GLT1D1: variants seen among roughly 807,000 people sequenced by gnomAD.
GLT1D1 encodes the protein glycosyltransferase 1 domain-containing protein 1.
GLT1D1 carries 21 observed loss-of-function variants against 28.7 expected under a neutral mutation model. That is an observed-to-expected ratio of 0.73 (90% CI 0.52 to 1.05). The LOEUF is 1.05. Among genes scored for constraint, GLT1D1 ranks in the 50% least tolerant of loss-of-function variants. The pLI, the probability that GLT1D1 is intolerant of heterozygous loss-of-function variation, is 0.00. For missense variants in GLT1D1, 343 were observed against 330.6 expected, an observed-to-expected ratio of 1.04 and a Z score of -0.29; for synonymous variants, 147 against 124.8, an observed-to-expected ratio of 1.18 and a Z score of -1.19.
intron 1 of GLT1D1, among the ~76,000 whole-genome samples, chr12:128,871,309 A>G (rs1956682717): frequency 6.6e-6 from 1 of 152,288 alleles, no homozygotes; most frequent in South Asian, 2.1e-4. Context: ...TGCTGCAGGC[A>G]TCTTTCCTGA....
Position 128,984,940 on chromosome 12 carries a change from A to G in GLT1D1, c.*1850A>G, listed in dbSNP as rs1452345208. 6.6e-6 allele frequency: 1 copy of G among 152,184 alleles called. No individual in the cohort carries two copies. Among genetic ancestry groups the G allele is most frequent in the Non-Finnish European group, 1.5e-5 (1 of 68,044 alleles). 9.4% of individuals were successfully genotyped at this position (152,184 alleles called of 1,614,324 possible). A position where few individuals can be genotyped will look rare whatever the true frequency, so the allele number is the denominator to read the frequency against. On this transcript the variant is annotated 3_prime_UTR_variant, in exon 8 of 8. Transcript: ENST00000281703. ...GGGAAGGGCGTGTTTTTAAATTAAT[A>G]AAGTGTGTCACCATTAGCCATACGA...
chr12:128,911,692 C>A (rs1240030357), intron 4 of GLT1D1, among the ~76,000 whole-genome samples: 2 of 152,196 alleles, frequency 1.3e-5, no homozygotes, highest in Non-Finnish European at 2.9e-5. Context: ...TAAAAATATT[C>A]CTGCCACTGT....
At chr12:128,950,610 C>A (rs1876600431) in intron 6 of GLT1D1, among the ~76,000 whole-genome samples, 1 of 152,154 alleles carries the variant, frequency 6.6e-6, no homozygotes, top group Non-Finnish European at 1.5e-5. Flanking sequence ...GATGGTGCCC[C>A]CCCCTCACAG....
intron 1 of GLT1D1, among the ~76,000 whole-genome samples, chr12:128,872,551 G>A (rs1009463288): frequency 6.6e-6 from 1 of 152,164 alleles, no homozygotes; most frequent in Non-Finnish European, 1.5e-5. Context: ...GTGCACTTCT[G>A]CCATGCAGGG....
chr12:128,962,228 G>A (rs1878043098), intron 7 of GLT1D1, among the ~76,000 whole-genome samples: 1 of 152,250 alleles, frequency 6.6e-6, no homozygotes, highest in African/African-American at 2.4e-5. Context: ...AGGGCGGAGT[G>A]AGCTGCAGTG....
At chr12:128,979,270 G>C (rs1192706140) in intron 7 of GLT1D1, among the ~76,000 whole-genome samples, 2 of 152,128 alleles carry the variant, frequency 1.3e-5, no homozygotes, top group African/African-American at 4.8e-5. Context: ...CCTGCCTGCT[G>C]TCTGGCAGTT....
intron 3 of GLT1D1, among the ~76,000 whole-genome samples, chr12:128,891,201 A>G (rs192339503): frequency 2.6e-5 from 4 of 152,218 alleles, no homozygotes; most frequent in African/African-American, 2.4e-5. Flanking sequence ...GAAAATTGTG[A>G]AAAAAAGCGG....
chr12:128,892,199 G>C (rs1869138895), intron 3 of GLT1D1, among the ~76,000 whole-genome samples: 1 of 152,164 alleles, frequency 6.6e-6, no homozygotes, highest in Non-Finnish European at 1.5e-5. Context: ...GCCCTTAGCA[G>C]TTCCCAGCTT....
At chr12:128,922,365 GCATT>G (rs530229715) in intron 4 of GLT1D1, among the ~76,000 whole-genome samples, 12 of 152,216 alleles carry the variant, frequency 7.9e-5, no homozygotes, top group African/African-American at 2.9e-4. Context: ...GCAAATTTTA[GCATT>G]CATTAGTGGC....
Position 128,888,664 on chromosome 12 carries a change from C to T in GLT1D1, c.243C>T (p.Ile81=). The T allele has an allele frequency of 6.2e-7, 1 of 1,613,484 alleles. No homozygotes were observed. The highest frequency in any genetic ancestry group is 1.1e-5 in the South Asian group (1 of 91,036). Residue 81 remains isoleucine (I), a synonymous_variant, in exon 3 of 8, where the codon ATC becomes ATT. Transcript: ENST00000281703. ...GCCACCGAATCCCTTTTGGAGTCAT[C>T]TTTGGTGGAACTGATGTAAATGAAG... is the stretch of plus-strand genomic sequence containing the variant.
chr12:128,879,406 C>G (rs1329548877), intron 2 of GLT1D1, among the ~76,000 whole-genome samples: 1 of 90,706 alleles, frequency 1.1e-5, no homozygotes, highest in Non-Finnish European at 2.1e-5. Context: ...TTCTTTCTTT[C>G]TTTCTTTCTT....
chr12:128,962,358 G>A (rs539695905), intron 7 of GLT1D1, among the ~76,000 whole-genome samples: 73 of 152,378 alleles, frequency 4.8e-4, no homozygotes, highest in African/African-American at 1.7e-3. Flanking sequence ...TCTCATCTAA[G>A]AAGGGACAGG....
At chr12:128,879,405 TCTTTCTTTCTTTC>T (rs1210532882) in intron 2 of GLT1D1, among the ~76,000 whole-genome samples, 5 of 90,482 alleles carry the variant, frequency 5.5e-5, no homozygotes, top group Admixed American at 4.7e-4. Context: ...TTTCTTTCTT[TCTTTCTTTCTTTC>T]TTTCTTTCTT....
intron 4 of GLT1D1, among the ~76,000 whole-genome samples, chr12:128,921,744 G>C (rs1872677339): frequency 6.6e-6 from 1 of 152,034 alleles, no homozygotes; most frequent in African/African-American, 2.4e-5. Context: ...CAGTAGCTAA[G>C]TGTGTCAGAG....
rs370620726 is a variant in GLT1D1, at chr12:128,961,575, T to C, written c.639+3932T>C. Among the ~76,000 whole-genome samples, 112 of 152,312 alleles carry C rather than the reference T, an allele frequency of 7.4e-4. 1 individual carries two copies. Among genetic ancestry groups the C allele is most frequent in the African/African-American group, 2.6e-3 (107 of 41,574 alleles). Reference sequence around the variant, plus strand: ...TACGGTAGGCAAAGAACGATGACTATCGCACATTCTTGGAGTCTGAAAGGC... The same window carrying C: ...TACGGTAGGCAAAGAACGATGACTACCGCACATTCTTGGAGTCTGAAAGGC... On this transcript the variant is annotated intron_variant, in intron 7 of 7. Coordinates refer to ENST00000281703, the MANE Select transcript of GLT1D1 (RefSeq NM_144669.3).
intron 7 of GLT1D1, among the ~76,000 whole-genome samples, chr12:128,970,452 C>T (rs913087469): frequency 6.6e-6 from 1 of 152,238 alleles, no homozygotes. Context: ...CAGCAGCCTC[C>T]TCCTTCCAGC....
chr12:128,879,378 T>TTTTC (rs572806857), intron 2 of GLT1D1, among the ~76,000 whole-genome samples: 3,195 of 68,786 alleles, frequency 0.046, 243 homozygotes, highest in Middle Eastern at 0.053. Context: ...ATTTTTTTCT[T>TTTTC]TTTCTTTCTT....
chr12:128,971,063 C>G (rs1878993117), intron 7 of GLT1D1, among the ~76,000 whole-genome samples: 1 of 152,180 alleles, frequency 6.6e-6, no homozygotes, highest in Non-Finnish European at 1.5e-5. Context: ...GCTCTCATTT[C>G]TTTTTCTTTT....
chr12:128,882,933 A>AT lies in GLT1D1; in HGVS notation c.218-5695dup, dbSNP rs1311965181. Among the ~76,000 whole-genome samples, 207 of 144,746 alleles carry AT rather than the reference A, an allele frequency of 1.4e-3. 1 individual carries two copies. Among genetic ancestry groups the AT allele is most frequent in the African/African-American group, 3.2e-3 (126 of 39,362 alleles). The allele number at this position is 144,746 out of a possible 152,430, so 95.0% of individuals were successfully genotyped here. Reference sequence around the variant, plus strand: ...ATTTATTTATTTATTTATATTTTTAATTTTTTTTTTTGAGACGGAGTCTCA... The same window carrying AT: ...ATTTATTTATTTATTTATATTTTTAATTTTTTTTTTTTGAGACGGAGTCTCA... On this transcript the variant is annotated intron_variant, in intron 2 of 7. Coordinates refer to ENST00000281703, the MANE Select transcript of GLT1D1 (RefSeq NM_144669.3).
Sources: allele counts gnomAD v4.1 joint callset (sites outside exome capture counted in the v4.1 genomes callset), GRCh38; gene constraint gnomAD v4.1.1; transcripts MANE v1.5; gene names NCBI Gene and HGNC (gene_info 2026-07-23, HGNC 2026-07-21).